Variants in DLG2 observed in about 807,000 individuals in gnomAD.
DLG2 encodes the protein disks large homolog 2.
Under a neutral mutation model 132.5 loss-of-function variants are expected in DLG2, and 45 were observed. The observed-to-expected ratio is 0.34, with a 90% CI of 0.27 to 0.44. The LOEUF (loss-of-function observed/expected upper bound fraction) is 0.44. Among genes scored for constraint, DLG2 ranks in the 20% least tolerant of loss-of-function variants. The pLI, the probability that DLG2 is intolerant of heterozygous loss-of-function variation, is 1.00. For missense variants in DLG2, 1,045 were observed against 1,196.9 expected (o/e 0.87, Z 1.87); for synonymous variants, 424 against 419.6 (o/e 1.01, Z -0.13).
chr11:84,402,082 G>A lies in DLG2; in HGVS notation c.519+132488C>T, dbSNP rs1397564291. On this transcript the variant is annotated intron_variant, in intron 7 of 27. Coordinates refer to ENST00000376104, the MANE Select transcript of DLG2 (RefSeq NM_001142699.3). ...TCAGTTCATTGGAGTTTTCAGATAA[G>A]CCATGCCTCTCTCTAATCCAATGGC... Among the ~76,000 whole-genome samples the A allele has an allele frequency of 1.3e-5, 2 of 152,112 alleles. 1 individual carries two copies.
chr11:85,165,195 C>G, intron 4 of DLG2, among the ~76,000 whole-genome samples: 1 of 152,166 alleles, frequency 6.6e-6, no homozygotes, highest in East Asian at 1.9e-4. Context: ...TAGTCACTTC[C>G]AAACATTTGT....
chr11:84,714,604 T>TG lies in DLG2; in HGVS notation c.358-179874_358-179873insC, dbSNP rs1565749957. Among the ~76,000 whole-genome samples the TG allele has an allele frequency of 6.7e-4, 77 of 114,322 alleles. 2 individuals carry two copies. Among genetic ancestry groups the TG allele is most frequent in the African/African-American group, 3.2e-3 (74 of 23,174 alleles). The allele number at this position is 114,322 out of a possible 152,430, so 75.0% of individuals were successfully genotyped here. A position where few individuals can be genotyped will look rare whatever the true frequency, so the allele number is the denominator to read the frequency against. ...CTCTTTCTCTTTCTCTTTCTTTCTCTTTCTCTTTCTCTTTCTCTTTCTCTC... is the reference window on the plus strand; with the variant it reads ...CTCTTTCTCTTTCTCTTTCTTTCTCTGTTCTCTTTCTCTTTCTCTTTCTCTC... On this transcript the variant is annotated intron_variant, in intron 6 of 27. Transcript: ENST00000376104.
At chr11:84,660,726 T>C (rs1328443247) in intron 6 of DLG2, among the ~76,000 whole-genome samples, 1 of 152,136 alleles carries the variant, frequency 6.6e-6, no homozygotes, top group Admixed American at 6.6e-5. Context: ...ATCAGCAGTG[T>C]TGAATATGAA....
intron 6 of DLG2, among the ~76,000 whole-genome samples, chr11:84,655,286 C>G (rs1172972596): frequency 6.6e-6 from 1 of 152,142 alleles, no homozygotes; most frequent in East Asian, 1.9e-4. Flanking sequence ...TATAATCCAG[C>G]TACTCAATTT....
intron 6 of DLG2, among the ~76,000 whole-genome samples, chr11:84,900,454 G>A (rs1345059051): frequency 6.6e-6 from 1 of 151,950 alleles, no homozygotes; most frequent in Non-Finnish European, 1.5e-5. Flanking sequence ...TACTCTTTTG[G>A]GGGAATGAAA....
chr11:84,000,129 A>C (rs2094267486), intron 11 of DLG2, among the ~76,000 whole-genome samples: 1 of 152,144 alleles, frequency 6.6e-6, no homozygotes, highest in Admixed American at 6.5e-5. Context: ...AAATCAGAAA[A>C]ACAATTCAGG....
rs187278659 is a variant in DLG2 at position 83,461,284 on chromosome 11, T to A, written c.2821+718A>T. 4.6e-5 allele frequency among the ~76,000 whole-genome samples: 7 copies of A among 152,194 alleles called. No homozygotes were observed. The East Asian group carries it at 1.4e-3, about 29-fold the overall frequency. On this transcript the variant is annotated intron_variant, in intron 27 of 27. Transcript: ENST00000376104. ...CCTCAGCCTCCCAAAGTGCTGGGATTAGAGGCATAAGCCCAGCTCGAAAGT... is the reference window on the plus strand; with the variant it reads ...CCTCAGCCTCCCAAAGTGCTGGGATAAGAGGCATAAGCCCAGCTCGAAAGT...
intron 6 of DLG2, among the ~76,000 whole-genome samples, chr11:85,077,712 T>C (rs1048488914): frequency 3.3e-5 from 5 of 152,066 alleles, no homozygotes; most frequent in African/African-American, 1.2e-4. Context: ...ACTATTTTTA[T>C]CTCTGTGTGG....
chr11:83,989,486 A>G (rs901643317), intron 11 of DLG2, among the ~76,000 whole-genome samples: 1 of 152,196 alleles, frequency 6.6e-6, no homozygotes, highest in Non-Finnish European at 1.5e-5. Context: ...GATGAGTTCT[A>G]TATTGCTACC....
chr11:84,370,100 G>C (rs2098699908), intron 7 of DLG2, among the ~76,000 whole-genome samples: 1 of 152,054 alleles, frequency 6.6e-6, no homozygotes. Flanking sequence ...ATCTTACAAG[G>C]AAGAGGATAT....
At chr11:84,511,959 C>CT (rs1482147461) in intron 7 of DLG2, among the ~76,000 whole-genome samples, 2 of 152,018 alleles carry the variant, frequency 1.3e-5, no homozygotes, top group Non-Finnish European at 2.9e-5. Context: ...TTTGTTGAGA[C>CT]TAAGAACAAT....
chr11:83,491,623 C>T (rs2093850054), intron 21 of DLG2, among the ~76,000 whole-genome samples: 1 of 151,978 alleles, frequency 6.6e-6, no homozygotes, highest in Admixed American at 6.6e-5. Flanking sequence ...CCCAGTATAG[C>T]TAAGGAGTAG....
At chr11:83,696,395 A>C (rs909374564) in intron 18 of DLG2, among the ~76,000 whole-genome samples, 1 of 152,188 alleles carries the variant, frequency 6.6e-6, no homozygotes, top group South Asian at 2.1e-4. Context: ...TTTTGTGGCT[A>C]TATGAGAATG....
At chr11:84,427,304 A>G (rs953580695) in intron 7 of DLG2, among the ~76,000 whole-genome samples, 3 of 152,200 alleles carry the variant, frequency 2.0e-5, no homozygotes, top group Non-Finnish European at 2.9e-5. Flanking sequence ...TACAATAGGT[A>G]GATTCTTCAC....
chr11:85,624,088 C>A (rs1356994689), intron 2 of DLG2, among the ~76,000 whole-genome samples: 1 of 152,112 alleles, frequency 6.6e-6, no homozygotes, highest in Non-Finnish European at 1.5e-5. Flanking sequence ...TATGAGGAAA[C>A]AGAAGAGTCT....
At chr11:83,752,701 T>C (rs933007733) in intron 18 of DLG2, among the ~76,000 whole-genome samples, 2 of 151,798 alleles carry the variant, frequency 1.3e-5, no homozygotes, top group Non-Finnish European at 2.9e-5. Context: ...GAAATAGCAG[T>C]GTGAGTTTTC....
intron 6 of DLG2, among the ~76,000 whole-genome samples, chr11:84,912,174 G>C (rs966441840): frequency 6.6e-6 from 1 of 152,098 alleles, no homozygotes; most frequent in East Asian, 1.9e-4. Context: ...TTTTAAGACG[G>C]AGTCTCACTC....
intron 21 of DLG2, among the ~76,000 whole-genome samples, chr11:83,519,804 C>A (rs1357786351): frequency 1.3e-5 from 2 of 152,156 alleles, no homozygotes; most frequent in Non-Finnish European, 2.9e-5. Context: ...GAGCTTTTAC[C>A]TGCAACAAAG....
intron 14 of DLG2, among the ~76,000 whole-genome samples, chr11:83,936,966 G>T (rs1264329538): frequency 2.6e-5 from 4 of 152,152 alleles, no homozygotes; most frequent in Admixed American, 2.0e-4. Context: ...AGGCCGTTGA[G>T]ACATGGATTT....
Sources: gnomAD v4.1 joint callset for allele counts (sites outside exome capture counted in the v4.1 genomes callset) on GRCh38, gnomAD v4.1.1 for gene constraint, MANE v1.5 for transcripts, NCBI Gene and HGNC (gene_info 2026-07-23, HGNC 2026-07-21) for gene names.